Variants in UBE3D observed in about 807,000 individuals in gnomAD.
UBE3D encodes E3 ubiquitin-protein ligase E3D.
In UBE3D, 48 loss-of-function variants were observed where a neutral mutation model predicts 49.6. That is an observed-to-expected ratio of 0.97 (90% CI 0.77 to 1.23). UBE3D has a LOEUF of 1.23. Ranked by LOEUF, UBE3D falls within the 50% of genes most tolerant of loss-of-function variation. UBE3D has a pLI of 0.00. For synonymous variants in UBE3D, 189 were observed against 174.2 expected, an observed-to-expected ratio of 1.08 and a Z score of -0.67; for missense variants, 452 against 468.4, an observed-to-expected ratio of 0.96 and a Z score of 0.32.
At chr6:82,988,823 A>G (rs1778696076) in intron 8 of UBE3D, among the ~76,000 whole-genome samples, 2 of 151,982 alleles carry the variant, frequency 1.3e-5, no homozygotes, top group African/African-American at 4.8e-5. Context: ...ACAAAGTAAA[A>G]CCAGCTGTTA....
chr6:83,002,802 C>A (rs1342299408), intron 8 of UBE3D, among the ~76,000 whole-genome samples: 1 of 152,330 alleles, frequency 6.6e-6, no homozygotes, highest in East Asian at 1.9e-4. Flanking sequence ...GGGGCCCTCA[C>A]CAAACATCAG....
At chr6:82,960,419 T>A (rs1399242088) in intron 8 of UBE3D, among the ~76,000 whole-genome samples, 1 of 152,046 alleles carries the variant, frequency 6.6e-6, no homozygotes, top group African/African-American at 2.4e-5. Flanking sequence ...AATCCACTAT[T>A]GTCTTACATA....
intron 5 of UBE3D, among the ~76,000 whole-genome samples, chr6:83,033,128 A>G (rs1781999074): frequency 6.6e-6 from 1 of 152,084 alleles, no homozygotes; most frequent in African/African-American, 2.4e-5. Context: ...GCAAAGAAGG[A>G]GCAAGGTGTC....
At chr6:82,985,008 CTT>C (rs70987727) in intron 8 of UBE3D, among the ~76,000 whole-genome samples, 23 of 52,994 alleles carry the variant, frequency 4.3e-4, no homozygotes, top group Middle Eastern at 0.017. Flanking sequence ...TCTTCTTCTT[CTT>C]TTTTTTTTTT....
chr6:82,950,013 T>C (rs1775670879), intron 9 of UBE3D, among the ~76,000 whole-genome samples: 1 of 152,004 alleles, frequency 6.6e-6, no homozygotes, highest in Non-Finnish European at 1.5e-5. Flanking sequence ...ATGGGACAAA[T>C]GAGATCACAT....
intron 3 of UBE3D, among the ~76,000 whole-genome samples, chr6:83,050,696 G>A (rs1312637973): frequency 6.6e-6 from 1 of 152,110 alleles, no homozygotes; most frequent in Non-Finnish European, 1.5e-5. Context: ...AAGAACACTG[G>A]GTTTGACATT....
At chr6:82,953,269 T>C (rs1775928771) in intron 9 of UBE3D, among the ~76,000 whole-genome samples, 1 of 152,234 alleles carries the variant, frequency 6.6e-6, no homozygotes, top group Middle Eastern at 3.2e-3. Flanking sequence ...CCTACTGTGG[T>C]ACTGTGGTCT....
At chr6:83,000,123 C>G (rs1245487651) in intron 8 of UBE3D, among the ~76,000 whole-genome samples, 1 of 152,174 alleles carries the variant, frequency 6.6e-6, no homozygotes, top group Non-Finnish European at 1.5e-5. Context: ...TTCTTCACTG[C>G]TCTGTCTTCC....
intron 9 of UBE3D, among the ~76,000 whole-genome samples, chr6:82,911,794 A>G (rs1004703042): frequency 6.6e-6 from 1 of 152,182 alleles, no homozygotes; most frequent in African/African-American, 2.4e-5. Flanking sequence ...ATTTACACTG[A>G]TAATTTTATA....
chr6:83,019,109 C>T lies in UBE3D; in HGVS notation c.874G>A (p.Val292Met). 12 of 1,613,130 alleles carry T rather than the reference C, an allele frequency of 7.4e-6. No individual in the cohort carries two copies. Among genetic ancestry groups the T allele is most frequent in the Non-Finnish European group, 1.0e-5 (12 of 1,179,716 alleles). The change falls in exon 8 of 10, where the codon GTG becomes ATG. Residue 292 changes from valine to methionine, a missense_variant. Transcript: ENST00000369747. ...LLWLLNSDSL[V>M]IESLRNSKYI... The stretch of plus-strand genomic sequence containing the variant: ...TTGGAATTTCTCAAAGATTCAATCA[C>T]CAAACTGTCTGAATTTAAAAGCCAT...
chr6:82,893,793 T>TG (rs1771112322), intron 9 of UBE3D, among the ~76,000 whole-genome samples: 1 of 152,166 alleles, frequency 6.6e-6, no homozygotes, highest in Non-Finnish European at 1.5e-5. Context: ...ATTCTACTCT[T>TG]GGGGAAGTAT....
chr6:82,995,904 T>C (rs185914480), intron 8 of UBE3D, among the ~76,000 whole-genome samples: 451 of 152,082 alleles, frequency 3.0e-3, no homozygotes, highest in Non-Finnish European at 5.0e-3. Flanking sequence ...CCGTCTCTAC[T>C]AAAAATACAA....
intron 8 of UBE3D, among the ~76,000 whole-genome samples, chr6:82,996,748 G>T (rs1007887146): frequency 6.6e-6 from 1 of 152,094 alleles, no homozygotes; most frequent in Non-Finnish European, 1.5e-5. Flanking sequence ...GGCATGAAGG[G>T]ATATACTACA....
chr6:82,943,651 C>T (rs1775184456), intron 9 of UBE3D, among the ~76,000 whole-genome samples: 1 of 152,004 alleles, frequency 6.6e-6, no homozygotes. Flanking sequence ...AAAAAACAAA[C>T]AACAACTACA....
chr6:83,027,206 G>A (rs923014250), intron 5 of UBE3D, among the ~76,000 whole-genome samples: 1 of 151,586 alleles, frequency 6.6e-6, no homozygotes, highest in Non-Finnish European at 1.5e-5. Flanking sequence ...GGGAGGCTGA[G>A]GCGGGAGGAT....
intron 9 of UBE3D, among the ~76,000 whole-genome samples, chr6:82,937,958 C>A (rs1408132032): frequency 6.6e-6 from 1 of 152,148 alleles, no homozygotes; most frequent in African/African-American, 2.4e-5. Context: ...GGCATCAACT[C>A]CATCCTCTTG....
chr6:83,064,827 G>A (rs542035786), intron 1 of UBE3D, among the ~76,000 whole-genome samples: 15 of 152,116 alleles, frequency 9.9e-5, no homozygotes, highest in Non-Finnish European at 2.1e-4. Flanking sequence ...ATTCCAAATT[G>A]CCACACCAGA....
At chr6:82,922,071 A>G (rs1773385625) in intron 9 of UBE3D, among the ~76,000 whole-genome samples, 1 of 152,204 alleles carries the variant, frequency 6.6e-6, no homozygotes, top group African/African-American at 2.4e-5. Context: ...GACATAGTAG[A>G]AGAAAGATGA....
At chr6:83,044,716 T>C in intron 3 of UBE3D, 57 bp from the exon 4 acceptor site, 1 of 1,342,766 alleles carries the variant, frequency 7.4e-7, no homozygotes, top group East Asian at 2.3e-5. Flanking sequence ...AACATTTTCT[T>C]AATTAAATGA....
Sources: gnomAD v4.1 joint callset for allele counts (sites outside exome capture counted in the v4.1 genomes callset) on GRCh38, gnomAD v4.1.1 for gene constraint, MANE v1.5 for transcripts, NCBI Gene and HGNC (gene_info 2026-07-23, HGNC 2026-07-21) for gene names.